GALNT13: variants seen among roughly 807,000 people sequenced by gnomAD.
GALNT13 encodes UDP-GalNAc:polypeptide N-acetylgalactosaminyltransferase 13.
Under a neutral mutation model 64.2 loss-of-function variants are expected in GALNT13, and 28 were observed. The observed-to-expected ratio is 0.44, with a 90% CI of 0.32 to 0.60. GALNT13 has a LOEUF of 0.60. GALNT13 is among the 20% of genes least tolerant of loss of function. GALNT13 has a pLI of 0.05. For synonymous variants in GALNT13, 214 were observed against 224.6 expected (o/e 0.95, Z 0.42); for missense variants, 577 against 669.8 (o/e 0.86, Z 1.53).
intron 12 of GALNT13, chr2:154,446,365 T>A: frequency 2.6e-6 from 1 of 384,464 alleles, no homozygotes; most frequent in Non-Finnish European, 4.6e-6. Context: ...ATATTCTCAG[T>A]CTTATCTTCA....
the GALNT13 span, among the ~76,000 whole-genome samples, chr2:153,726,634 T>C: frequency 0.086 from 13,117 of 152,086 alleles, 700 homozygotes; most frequent in South Asian, 0.19. Flanking sequence ...TCATGTACCA[T>C]TTTTTCCTTG....
chr2:153,180,818 A>G, the GALNT13 span, among the ~76,000 whole-genome samples: 1 of 151,544 alleles, frequency 6.6e-6, no homozygotes, highest in Admixed American at 6.6e-5. Flanking sequence ...GTTATCCAAT[A>G]TTTTGGCATC....
At chr2:153,740,645 C>T in the GALNT13 span, among the ~76,000 whole-genome samples, 1 of 151,938 alleles carries the variant, frequency 6.6e-6, no homozygotes, top group Admixed American at 6.6e-5. Context: ...TGTCTGTTTC[C>T]TTTTTTTGTG....
the GALNT13 span, among the ~76,000 whole-genome samples, chr2:153,438,720 A>G: frequency 2.0e-5 from 3 of 152,016 alleles, no homozygotes; most frequent in Non-Finnish European, 4.4e-5. Context: ...TCTAGTTACC[A>G]TTCATCTAAT....
the GALNT13 span, among the ~76,000 whole-genome samples, chr2:153,319,973 G>T: frequency 2.6e-5 from 4 of 152,146 alleles, no homozygotes; most frequent in Admixed American, 1.3e-4. Flanking sequence ...GAAAAAAAAT[G>T]TGTGATTGAA....
chr2:153,584,268 CA>C, the GALNT13 span, among the ~76,000 whole-genome samples: 15 of 152,256 alleles, frequency 9.9e-5, no homozygotes, highest in South Asian at 2.1e-3. Flanking sequence ...GGGGCTTGAG[CA>C]CAAGCTTGCC....
chr2:153,149,384 A>G, the GALNT13 span, among the ~76,000 whole-genome samples: 1 of 151,780 alleles, frequency 6.6e-6, no homozygotes, highest in African/African-American at 2.4e-5. Flanking sequence ...GAGCATCAGG[A>G]AGACTGCATT....
intron 1 of GALNT13, among the ~76,000 whole-genome samples, chr2:153,896,799 A>G (rs1016461775): frequency 8.5e-5 from 13 of 152,118 alleles, no homozygotes; most frequent in Admixed American, 5.9e-4. Context: ...CTTTCTCGAT[A>G]TATGTTTGAA....
chr2:153,843,626 C>A, the GALNT13 span, among the ~76,000 whole-genome samples: 6 of 152,190 alleles, frequency 3.9e-5, no homozygotes, highest in African/African-American at 1.4e-4. Context: ...CTTAGTCTGG[C>A]ATTAACTCCA....
intron 10 of GALNT13, among the ~76,000 whole-genome samples, chr2:154,398,830 A>T (rs925500213): frequency 6.6e-6 from 1 of 152,230 alleles, no homozygotes; most frequent in African/African-American, 2.4e-5. Context: ...TACACTTATT[A>T]TATCTACCAT....
intron 2 of GALNT13, among the ~76,000 whole-genome samples, chr2:153,909,643 G>A (rs1343596534): frequency 2.0e-5 from 3 of 152,106 alleles, no homozygotes; most frequent in Non-Finnish European, 4.4e-5. Context: ...ATGAAGGGAT[G>A]TTGAATTTTG....
the GALNT13 span, among the ~76,000 whole-genome samples, chr2:153,797,899 T>C: frequency 6.6e-6 from 1 of 152,158 alleles, no homozygotes; most frequent in Non-Finnish European, 1.5e-5. Flanking sequence ...ATGCCTTCTA[T>C]ATTTTACTGT....
the GALNT13 span, among the ~76,000 whole-genome samples, chr2:153,740,197 C>A: frequency 1.3e-5 from 2 of 151,336 alleles, no homozygotes; most frequent in Non-Finnish European, 3.0e-5. Context: ...CTGGTTACTT[C>A]TCTTCTACTG....
the GALNT13 span, among the ~76,000 whole-genome samples, chr2:153,283,614 C>T: frequency 1.6e-4 from 24 of 152,190 alleles, no homozygotes; most frequent in Admixed American, 3.9e-4. Flanking sequence ...CACTTCACCA[C>T]GATCTCTTCA....
chr2:153,160,292 T>C, the GALNT13 span, among the ~76,000 whole-genome samples: 1 of 152,216 alleles, frequency 6.6e-6, no homozygotes, highest in African/African-American at 2.4e-5. Context: ...GATACAGTGA[T>C]GAACAAGATC....
At chr2:153,422,224 G>A in the GALNT13 span, among the ~76,000 whole-genome samples, 3 of 152,116 alleles carry the variant, frequency 2.0e-5, no homozygotes, top group Non-Finnish European at 2.9e-5. Context: ...CCTTAATTGC[G>A]TATATTAGGA....
At chr2:154,169,484 A>T (rs542944881) in intron 4 of GALNT13, among the ~76,000 whole-genome samples, 67 of 152,314 alleles carry the variant, frequency 4.4e-4, no homozygotes, top group Admixed American at 8.5e-4. Flanking sequence ...GACTTGAGTT[A>T]TGAAGTCTGA....
chr2:153,809,938 G>T, the GALNT13 span, among the ~76,000 whole-genome samples: 11 of 151,738 alleles, frequency 7.2e-5, no homozygotes, highest in Non-Finnish European at 1.6e-4. Context: ...ATATAAATAT[G>T]CTATAACATT....
chr2:153,326,199 T>A, the GALNT13 span, among the ~76,000 whole-genome samples: 5 of 152,232 alleles, frequency 3.3e-5, no homozygotes, highest in Non-Finnish European at 1.5e-5. Context: ...AGTTAGTTCT[T>A]CTTGTTGCAT....
Sources: allele counts gnomAD v4.1 joint callset (sites outside exome capture counted in the v4.1 genomes callset), GRCh38; gene constraint gnomAD v4.1.1; transcripts MANE v1.5; gene names NCBI Gene and HGNC (gene_info 2026-07-23, HGNC 2026-07-21).